TSPAN11: variants seen among roughly 807,000 people sequenced by gnomAD.
The protein encoded by TSPAN11 is tetraspanin 11.
A neutral mutation model predicts 32.9 loss-of-function variants in TSPAN11; 29 were observed. That is an observed-to-expected ratio of 0.88 (90% CI 0.66 to 1.20). The LOEUF is 1.20. Among genes scored for constraint, TSPAN11 ranks in the 50% most tolerant of loss-of-function variants. TSPAN11 has a pLI of 0.00. For missense variants in TSPAN11, 283 were observed against 329.1 expected (o/e 0.86, Z 1.08); for synonymous variants, 140 against 141.3 (o/e 0.99, Z 0.07).
intron 3 of TSPAN11, among the ~76,000 whole-genome samples, chr12:30,969,570 G>T (rs1938806994): frequency 6.6e-6 from 1 of 152,160 alleles, no homozygotes; most frequent in Non-Finnish European, 1.5e-5. Flanking sequence ...GACTCATAGG[G>T]TTTGTGTTGA....
chr12:30,957,230 C>G (rs1449327731), intron 2 of TSPAN11, among the ~76,000 whole-genome samples: 1 of 31,220 alleles, frequency 3.2e-5, no homozygotes, highest in Non-Finnish European at 5.7e-5. Flanking sequence ...GGCCTGGGAC[C>G]CCCCCCCCCC....
At chr12:30,931,627 C>A (rs1281984997) in intron 1 of TSPAN11, among the ~76,000 whole-genome samples, 1 of 152,030 alleles carries the variant, frequency 6.6e-6, no homozygotes, top group South Asian at 2.1e-4. Context: ...TGCCTGTAAT[C>A]CCAGCACTTT....
At chr12:30,930,023 C>T (rs779495768) in intron 1 of TSPAN11, among the ~76,000 whole-genome samples, 21 of 152,216 alleles carry the variant, frequency 1.4e-4, no homozygotes, top group Non-Finnish European at 2.6e-4. Context: ...TTGTTGAGGA[C>T]GGAGACTGTG....
intron 7 of TSPAN11, among the ~76,000 whole-genome samples, chr12:30,983,398 C>T (rs1374681743): frequency 4.6e-5 from 7 of 152,126 alleles, no homozygotes; most frequent in African/African-American, 1.2e-4. Context: ...GGGACCTGGG[C>T]GGAGTGTGAG....
the TSPAN11 span, among the ~76,000 whole-genome samples, chr12:31,013,333 C>T: frequency 6.6e-6 from 1 of 152,040 alleles, no homozygotes; most frequent in Admixed American, 6.6e-5. Context: ...GTGGCTCACA[C>T]CTATAATCCC....
the TSPAN11 span, chr12:31,012,768 A>T: frequency 6.6e-6 from 1 of 152,134 alleles, no homozygotes; most frequent in South Asian, 2.1e-4. Context: ...TGAGACCACC[A>T]CACCCGTTTT....
At chr12:30,986,022 A>T (rs1939194797) in intron 7 of TSPAN11, among the ~76,000 whole-genome samples, 1 of 152,214 alleles carries the variant, frequency 6.6e-6, no homozygotes, top group Non-Finnish European at 1.5e-5. Context: ...CTGCCAGCTG[A>T]CGCTGGGCAC....
At chr12:31,015,084 A>G in the TSPAN11 span, among the ~76,000 whole-genome samples, 2 of 152,226 alleles carry the variant, frequency 1.3e-5, no homozygotes, top group African/African-American at 4.8e-5. The surrounding 1 kb of genome is among the most constrained non-coding windows in gnomAD (Gnocchi z 4.9). Flanking sequence ...ACATAAACGC[A>G]TATTCTTTAA....
chr12:30,945,563 G>A (rs536126068), intron 1 of TSPAN11, among the ~76,000 whole-genome samples: 21 of 152,106 alleles, frequency 1.4e-4, no homozygotes, highest in South Asian at 1.0e-3. Flanking sequence ...GCTCCTGGTC[G>A]CTGGCCCTGG....
chr12:30,945,670 A>G (rs1483108510), intron 1 of TSPAN11, among the ~76,000 whole-genome samples: 2 of 151,594 alleles, frequency 1.3e-5, no homozygotes, highest in Non-Finnish European at 2.9e-5. Context: ...CTTGAGCCTC[A>G]TTCACTTAGG....
At chr12:30,939,892 T>C (rs1938125339) in intron 1 of TSPAN11, among the ~76,000 whole-genome samples, 1 of 152,198 alleles carries the variant, frequency 6.6e-6, no homozygotes, top group Non-Finnish European at 1.5e-5. Context: ...GTGCCTTGTT[T>C]GGATTATTTT....
In TSPAN11 at chr12:30,982,639, G is replaced by T; in HGVS notation, c.564G>T (p.Val188=). The T allele has an allele frequency of 6.2e-7, 1 of 1,610,956 alleles. No homozygotes were observed. The part of the protein sequence containing the change: ...RQVPDSCCKT[V]VVRCGQRAHP... Reference sequence around the variant, plus strand: ...TGCCCGACAGCTGCTGCAAGACAGTGGTGGTGCGCTGCGGCCAGCGGGCCC... The same window carrying T: ...TGCCCGACAGCTGCTGCAAGACAGTTGTGGTGCGCTGCGGCCAGCGGGCCC... The change falls in exon 6 of 8, where the codon GTG becomes GTT. Residue 188 remains valine, a synonymous_variant. Coordinates refer to ENST00000546076, the MANE Select transcript of TSPAN11 (RefSeq NM_001370302.1).
chr12:30,964,564 C>T (rs1016467501), intron 3 of TSPAN11, among the ~76,000 whole-genome samples: 2 of 152,096 alleles, frequency 1.3e-5, no homozygotes, highest in Non-Finnish European at 2.9e-5. Context: ...ATCTCATAGC[C>T]GATCTTGGTT....
At chr12:31,007,019 GCTGCCACCAGTCTC>G in the TSPAN11 span, among the ~76,000 whole-genome samples, 1 of 152,142 alleles carries the variant, frequency 6.6e-6, no homozygotes, top group Non-Finnish European at 1.5e-5. Flanking sequence ...GCCGTTCATA[GCTGCCACCAGTCTC>G]CCATCGGTGT....
chr12:30,965,226 G>T (rs1938704964), intron 3 of TSPAN11, among the ~76,000 whole-genome samples: 1 of 152,202 alleles, frequency 6.6e-6, no homozygotes, highest in African/African-American at 2.4e-5. Context: ...CCTCTGCAGT[G>T]TCGGCAAGCC....
downstream of TSPAN11, among the ~76,000 whole-genome samples, chr12:31,000,322 C>A (rs146110450): frequency 1.8e-3 from 267 of 152,344 alleles, 1 homozygote; most frequent in African/African-American, 6.2e-3. Flanking sequence ...CCCTGACCAC[C>A]CCCTTCCCAC....
chr12:30,978,473 A>G, intron 3 of TSPAN11, 88 bp from the exon 4 acceptor site: 3 of 1,325,484 alleles, frequency 2.3e-6, no homozygotes, highest in Non-Finnish European at 3.2e-6. Flanking sequence ...CCCAGCAGGT[A>G]TCTCTACCAC....
chr12:30,996,968 T>C (rs1175454505), downstream of TSPAN11: 3 of 152,194 alleles, frequency 2.0e-5, no homozygotes, highest in African/African-American at 7.2e-5. Flanking sequence ...TGCAGTGAGC[T>C]CTTACCACTG....
At chr12:30,968,876 CG>C in intron 3 of TSPAN11, among the ~76,000 whole-genome samples, 1 of 152,282 alleles carries the variant, frequency 6.6e-6, no homozygotes, top group Middle Eastern at 3.4e-3. Context: ...TATATGGGCT[CG>C]GGTTCAAAAG....
Sources: allele counts gnomAD v4.1 joint callset (sites outside exome capture counted in the v4.1 genomes callset), GRCh38; gene constraint gnomAD v4.1.1; non-coding constraint Gnocchi (gnomAD v3.1); transcripts MANE v1.5; gene names NCBI Gene and HGNC (gene_info 2026-07-23, HGNC 2026-07-21).